Variants in CHD1L observed in about 807,000 individuals in gnomAD.
The protein encoded by CHD1L is chromodomain helicase DNA binding protein 1 like, also known as ATP-dependent chromatin remodeler CHD1L.
In CHD1L, 118 loss-of-function variants were observed where a neutral mutation model predicts 115.9. That is an observed-to-expected ratio of 1.02 (90% CI 0.88 to 1.19). The LOEUF (loss-of-function observed/expected upper bound fraction) is 1.19, where lower values mean the gene tolerates loss of function less well. Among genes scored for constraint, CHD1L ranks in the 50% most tolerant of loss-of-function variants. The pLI, the probability that CHD1L is intolerant of heterozygous loss-of-function variation, is 0.00. For missense variants in CHD1L, 1,179 were observed against 1,065.3 expected, an observed-to-expected ratio of 1.11 and a Z score of -1.49; for synonymous variants, 411 against 387.1, an observed-to-expected ratio of 1.06 and a Z score of -0.72.
chr1:147,240,141 T>C (rs905472202), upstream of CHD1L, among the ~76,000 whole-genome samples: 3 of 152,340 alleles, frequency 2.0e-5, no homozygotes, highest in Admixed American at 1.3e-4. Flanking sequence ...ACTGTGTCTG[T>C]GTAGAAAGAA....
chr1:147,242,956 T>A, intron 1 of CHD1L, 126 bp downstream of exon 1: 1 of 1,121,092 alleles, frequency 8.9e-7, no homozygotes, highest in Non-Finnish European at 1.1e-6. Context: ...GGGCCTTCCT[T>A]CGCTCCTGCC....
chr1:147,217,305 G>T, the CHD1L span, among the ~76,000 whole-genome samples: 4 of 151,912 alleles, frequency 2.6e-5, no homozygotes, highest in Admixed American at 2.6e-4. Flanking sequence ...TTGTTGTGGT[G>T]ATCACATAAA....
the CHD1L span, among the ~76,000 whole-genome samples, chr1:147,189,971 C>A: frequency 0.037 from 5,620 of 152,116 alleles, 158 homozygotes; most frequent in South Asian, 0.095. Context: ...TTTTAGACAC[C>A]TAAAACTTTT....
Position 147,275,346 on chromosome 1 carries a change from G to A in CHD1L, c.1271-8G>A. ...TGCTGATTACATTCCTTTTTGCATT[G>A]TTTTCAGGTGGAGTTGGCATGAACT... On this transcript the variant is annotated splice_polypyrimidine_tract_variant and splice_region_variant and intron_variant, in intron 12 of 22. Coordinates refer to ENST00000369258, the MANE Select transcript of CHD1L (RefSeq NM_004284.6). 1 of 1,605,488 alleles carries A rather than the reference G, an allele frequency of 6.2e-7. No homozygotes were observed. The highest frequency in any genetic ancestry group is 8.5e-7 in the Non-Finnish European group (1 of 1,172,690).
chr1:147,232,399 C>T, the CHD1L span, among the ~76,000 whole-genome samples: 1 of 151,954 alleles, frequency 6.6e-6, no homozygotes, highest in Non-Finnish European at 1.5e-5. Flanking sequence ...TGCTTCTAGC[C>T]CTCCAAGCTC....
chr1:147,268,836 A>C lies in CHD1L; in HGVS notation c.1043A>C (p.Lys348Thr). The C allele has an allele frequency of 6.2e-7, 1 of 1,613,724 alleles. No individual in the cohort carries two copies. Among genetic ancestry groups the C allele is most frequent in the Non-Finnish European group, 8.5e-7 (1 of 1,179,730 alleles). Residue 348 changes from lysine to threonine, a missense_variant, in exon 10 of 23, where the codon AAG (lysine) becomes ACG (threonine). Lys to Thr is a moderately conservative substitution (Grantham distance 78). Coordinates refer to ENST00000369258, the MANE Select transcript of CHD1L (RefSeq NM_004284.6). Reference protein sequence around the residue: ...VGDHLTEASGKLHLLDKLLAF... With the variant: ...VGDHLTEASGTLHLLDKLLAF... Reference sequence around the variant, plus strand: ...GACCACCTGACTGAGGCTAGTGGGAAGCTTCACCTGCTGGATAAGCTACTA... The same window carrying C: ...GACCACCTGACTGAGGCTAGTGGGACGCTTCACCTGCTGGATAAGCTACTA...
chr1:147,294,733 C>G (rs1046912678), intron 22 of CHD1L, among the ~76,000 whole-genome samples: 1 of 152,114 alleles, frequency 6.6e-6, no homozygotes, highest in East Asian at 1.9e-4. Context: ...TTTCTGGATG[C>G]CAGCAGATAA....
intron 19 of CHD1L, among the ~76,000 whole-genome samples, chr1:147,288,930 AATT>A (rs781931679): frequency 5.3e-5 from 8 of 152,096 alleles, no homozygotes; most frequent in Non-Finnish European, 5.9e-5. Flanking sequence ...GCAAGAATAA[AATT>A]ATTATTGTGG....
intron 20 of CHD1L, 54 bp from the exon 21 acceptor site, chr1:147,293,554 G>A: frequency 2.0e-6 from 3 of 1,496,298 alleles, no homozygotes; most frequent in Admixed American, 1.7e-5. Context: ...CGGTCACTTG[G>A]TTGAGTGTGG....
In CHD1L at chr1:147,295,534, T is replaced by G. The variant is rs1443914564; in HGVS notation, c.*25T>G. 3 of 1,539,196 alleles carry G rather than the reference T, an allele frequency of 1.9e-6. No individual in the cohort carries two copies. The highest frequency in any genetic ancestry group is 1.8e-6 in the Non-Finnish European group (2 of 1,116,628). ...AGAATTGGCCCAGCCTCAGATCCTGTCTTTAGCAACCAGCTAATATTTACC... is the reference window on the plus strand; with the variant it reads ...AGAATTGGCCCAGCCTCAGATCCTGGCTTTAGCAACCAGCTAATATTTACC... On this transcript the variant is annotated 3_prime_UTR_variant, in exon 23 of 23. Transcript: ENST00000369258.
At chr1:147,195,526 G>A in the CHD1L span, among the ~76,000 whole-genome samples, 1 of 152,086 alleles carries the variant, frequency 6.6e-6, no homozygotes, top group African/African-American at 2.4e-5. Context: ...AGGGGTTAAG[G>A]CCAAGGGGAA....
intron 5 of CHD1L, among the ~76,000 whole-genome samples, chr1:147,257,296 G>A (rs1559759066): frequency 1.3e-5 from 2 of 151,848 alleles, no homozygotes; most frequent in African/African-American, 4.8e-5. Flanking sequence ...TATTTTAAAT[G>A]TTATTTCTTA....
the CHD1L span, among the ~76,000 whole-genome samples, chr1:147,181,475 A>C: frequency 6.6e-6 from 1 of 152,218 alleles, no homozygotes; most frequent in Non-Finnish European, 1.5e-5. Flanking sequence ...TTAGAGGAAA[A>C]AAAGAGAAGA....
At chr1:147,248,110 C>T (rs782758343) in intron 1 of CHD1L, among the ~76,000 whole-genome samples, 3 of 152,178 alleles carry the variant, frequency 2.0e-5, no homozygotes, top group Non-Finnish European at 4.4e-5. Context: ...TTGTCTACCA[C>T]TTCTTCCTTT....
the CHD1L span, chr1:147,178,483 AT>A: frequency 6.2e-7 from 1 of 1,609,988 alleles, no homozygotes; most frequent in Non-Finnish European, 8.5e-7. Context: ...TGCTGATGGA[AT>A]TGTCAGCCAC....
chr1:147,259,361 C>T (rs1485347813), intron 5 of CHD1L: 1 of 152,538 alleles, frequency 6.6e-6, no homozygotes, highest in African/African-American at 2.4e-5. Flanking sequence ...TAAGTTCCTA[C>T]AACACCACTG....
chr1:147,246,392 T>G (rs190956351), intron 1 of CHD1L, among the ~76,000 whole-genome samples: 1 of 152,330 alleles, frequency 6.6e-6, no homozygotes, highest in East Asian at 1.9e-4. Flanking sequence ...TGTATGAAAA[T>G]AAATCTTCAT....
At chr1:147,291,250 T>TAACAACAACA (rs1685419141) in intron 19 of CHD1L, among the ~76,000 whole-genome samples, 1 of 152,078 alleles carries the variant, frequency 6.6e-6, no homozygotes, top group Non-Finnish European at 1.5e-5. Context: ...TCTACAGGGG[T>TAACAACAACA]ACTTTGTTGT....
At chr1:147,179,326 T>G in the CHD1L span, 3 of 1,606,396 alleles carry the variant, frequency 1.9e-6, no homozygotes, top group Non-Finnish European at 1.7e-6. Flanking sequence ...TTATGCCCCT[T>G]GGTGTGGTCA....
Sources: gnomAD v4.1 joint callset for allele counts (sites outside exome capture counted in the v4.1 genomes callset) on GRCh38, gnomAD v4.1.1 for gene constraint, MANE v1.5 for transcripts, NCBI Gene and HGNC (gene_info 2026-07-23, HGNC 2026-07-21) for gene names.